The following FLYWCH2 variants were observed in gnomAD, a reference collection of about 807,000 sequenced individuals.
The protein encoded by FLYWCH2 is FLYWCH family member 2.
In FLYWCH2, 2 loss-of-function variants were observed where a neutral mutation model predicts 6.0. That is an observed-to-expected ratio of 0.33 (90% CI 0.14 to 1.04). The LOEUF is 1.04. Ranked by LOEUF, FLYWCH2 falls within the 50% of genes least tolerant of loss-of-function variation. The pLI, the probability that FLYWCH2 is intolerant of heterozygous loss-of-function variation, is 0.45. For missense variants in FLYWCH2, 192 were observed against 183.4 expected (o/e 1.05, Z -0.27); for synonymous variants, 87 against 79.3 (o/e 1.10, Z -0.52).
At chr16:2,893,601 G>A (rs963376712) in intron 1 of FLYWCH2, among the ~76,000 whole-genome samples, 12 of 151,226 alleles carry the variant, frequency 7.9e-5, no homozygotes, top group African/African-American at 2.2e-4. Flanking sequence ...TTGAGATGGG[G>A]CTGACGTCAC....
chr16:2,897,990 GGT>G lies in FLYWCH2; in HGVS notation c.323-1057_323-1056del, dbSNP rs1352351763. 6.6e-5 allele frequency among the ~76,000 whole-genome samples: 10 copies of G among 152,268 alleles called. No homozygotes were observed. In the East Asian group the frequency reaches 1.9e-3, roughly 30 times the overall value. On this transcript the variant is annotated intron_variant, in intron 3 of 3. Transcript: ENST00000396958. ...TGGTCCCCTGGGGTCAGCCAGAACA[GGT>G]GGTCCCCTGGGGTCAGCCAGGGCAC...
chr16:2,894,386 C>G (rs2069793737), intron 1 of FLYWCH2, among the ~76,000 whole-genome samples: 1 of 152,140 alleles, frequency 6.6e-6, no homozygotes, highest in African/African-American at 2.4e-5. Context: ...CCCGGACTGC[C>G]CACTCATGCT....
At chr16:2,891,504 A>G (rs1253084198) in intron 1 of FLYWCH2, among the ~76,000 whole-genome samples, 1 of 151,920 alleles carries the variant, frequency 6.6e-6, no homozygotes, top group Non-Finnish European at 1.5e-5. Flanking sequence ...TCCCGGGTTC[A>G]CGCCATTCTC....
intron 1 of FLYWCH2, among the ~76,000 whole-genome samples, chr16:2,889,150 T>C (rs542204776): frequency 6.7e-6 from 1 of 150,346 alleles, no homozygotes. Context: ...GTTGTTGTTG[T>C]TTGTGTGTGT....
chr16:2,894,322 G>C (rs2069792745), intron 1 of FLYWCH2, among the ~76,000 whole-genome samples: 1 of 152,206 alleles, frequency 6.6e-6, no homozygotes, highest in South Asian at 2.1e-4. Context: ...GGAGGCGCTA[G>C]AGGACCCGGG....
chr16:2,899,225 CA>C lies in FLYWCH2; in HGVS notation c.*79del. 1.2e-6 allele frequency: 1 copy of C among 869,314 alleles called. No individual in the cohort carries two copies. The highest frequency in any genetic ancestry group is 3.0e-5 in the East Asian group (1 of 33,110). 53.9% of individuals were successfully genotyped at this position (869,314 alleles called of 1,614,324 possible). A position where few individuals can be genotyped will look rare whatever the true frequency, so the allele number is the denominator to read the frequency against. ...TCTCTGTCCGCAGGGCTTCTGGGGC[CA>C]AATGGGTGAATCTTTGCTTTTAACA... On this transcript the variant is annotated 3_prime_UTR_variant, in exon 4 of 4. Coordinates refer to ENST00000396958, the MANE Select transcript of FLYWCH2 (RefSeq NM_138439.3).
At chr16:2,890,954 G>T (rs1357448144) in intron 1 of FLYWCH2, among the ~76,000 whole-genome samples, 2 of 152,156 alleles carry the variant, frequency 1.3e-5, no homozygotes, top group African/African-American at 2.4e-5. Context: ...GGAAGTGTCC[G>T]CACATACTGT....
intron 1 of FLYWCH2, among the ~76,000 whole-genome samples, chr16:2,888,229 C>T (rs1054376731): frequency 6.6e-5 from 10 of 151,934 alleles, no homozygotes; most frequent in Non-Finnish European, 1.2e-4. Context: ...ATGCTGGTCT[C>T]AAACTCCTGA....
In FLYWCH2 at chr16:2,899,164, G is replaced by T. The variant is rs111514958; in HGVS notation, c.*15G>T. 6.9e-6 allele frequency: 11 copies of T among 1,601,836 alleles called. No homozygotes were observed. Among genetic ancestry groups the T allele is most frequent in the Non-Finnish European group, 8.5e-6 (10 of 1,172,502 alleles). On this transcript the variant is annotated 3_prime_UTR_variant, in exon 4 of 4. Transcript: ENST00000396958. ...AGTCCCTGTAACCTTGACAACAGGCGCATCCTCCCAGGCCACCAACCCAGC... is the reference window on the plus strand; with the variant it reads ...AGTCCCTGTAACCTTGACAACAGGCTCATCCTCCCAGGCCACCAACCCAGC...
At position 2,895,261 on chromosome 16, in the gene FLYWCH2, C is replaced by T. The variant is rs995739946; in HGVS notation, c.-158C>T. Reference sequence around the variant, plus strand: ...TCCTCAGTGACGGTGGGATCCACAACATCTCCACATCGCTGTCCCCACCCA... The same window carrying T: ...TCCTCAGTGACGGTGGGATCCACAATATCTCCACATCGCTGTCCCCACCCA... On this transcript the variant is annotated 5_prime_UTR_variant, in exon 2 of 4. Coordinates refer to ENST00000396958, the MANE Select transcript of FLYWCH2 (RefSeq NM_138439.3). 6.6e-6 allele frequency: 1 copy of T among 152,486 alleles called. No homozygotes were observed. The highest frequency in any genetic ancestry group is 1.5e-5 in the Non-Finnish European group (1 of 68,172). 9.4% of individuals were successfully genotyped at this position (152,486 alleles called of 1,614,324 possible).
At chr16:2,891,474 G>A (rs1383199232) in intron 1 of FLYWCH2, among the ~76,000 whole-genome samples, 1 of 151,672 alleles carries the variant, frequency 6.6e-6, no homozygotes, top group Non-Finnish European at 1.5e-5. Context: ...GCGCGATATC[G>A]GCTCACTGCA....
At chr16:2,889,491 T>C (rs2150845087) in intron 1 of FLYWCH2, among the ~76,000 whole-genome samples, 1 of 151,706 alleles carries the variant, frequency 6.6e-6, no homozygotes, top group Middle Eastern at 3.4e-3. Context: ...ATTAGAGGCG[T>C]GAGCCACTGC....
At chr16:2,896,927 C>A in intron 3 of FLYWCH2, 156 bp downstream of exon 3, 1 of 725,220 alleles carries the variant, frequency 1.4e-6, no homozygotes, top group Non-Finnish European at 2.2e-6. Flanking sequence ...GGTTAGGGCA[C>A]AGGCCTGGGC....
chr16:2,888,207 A>G (rs1271629314), intron 1 of FLYWCH2, among the ~76,000 whole-genome samples: 1 of 151,812 alleles, frequency 6.6e-6, no homozygotes, highest in Non-Finnish European at 1.5e-5. Flanking sequence ...ACGGGGTTTC[A>G]CCATGTTGCT....
intron 2 of FLYWCH2, 115 bp from the exon 3 acceptor site, chr16:2,896,237 G>A (rs2069817806): frequency 1.7e-6 from 1 of 602,194 alleles, no homozygotes. Flanking sequence ...CCCCCTGTCA[G>A]TCTTGGCCCC....
chr16:2,888,072 G>A (rs2069718449), intron 1 of FLYWCH2, among the ~76,000 whole-genome samples: 1 of 151,894 alleles, frequency 6.6e-6, no homozygotes, highest in Admixed American at 6.6e-5. Flanking sequence ...GTAGTGGCGT[G>A]ATCTCGGCTC....
intron 1 of FLYWCH2, among the ~76,000 whole-genome samples, chr16:2,885,274 G>C (rs1177710604): frequency 6.6e-6 from 1 of 151,998 alleles, no homozygotes; most frequent in Non-Finnish European, 1.5e-5. Context: ...GTGAGATCAC[G>C]CCACTGCACT....
At chr16:2,898,167 G>A (rs1394755754) in intron 3 of FLYWCH2, among the ~76,000 whole-genome samples, 1 of 152,186 alleles carries the variant, frequency 6.6e-6, no homozygotes, top group African/African-American at 2.4e-5. Context: ...ACCCCAGAAT[G>A]CCTGAGATGG....
chr16:2,883,767 G>T (rs1053640126), intron 1 of FLYWCH2, among the ~76,000 whole-genome samples: 12 of 152,250 alleles, frequency 7.9e-5, no homozygotes, highest in Non-Finnish European at 1.6e-4. Flanking sequence ...GACACTCGGG[G>T]CCTCAGGGTG....
Sources: gnomAD v4.1 joint callset for allele counts (sites outside exome capture counted in the v4.1 genomes callset) on GRCh38, gnomAD v4.1.1 for gene constraint, MANE v1.5 for transcripts, NCBI Gene and HGNC (gene_info 2026-07-23, HGNC 2026-07-21) for gene names.